The following GOLGA7B variants were observed in gnomAD, a reference collection of about 807,000 sequenced individuals.
GOLGA7B encodes golgin A7 family member B.
A neutral mutation model predicts 21.5 loss-of-function variants in GOLGA7B; 17 were observed. The observed-to-expected ratio is 0.79, with a 90% CI of 0.54 to 1.19. The LOEUF (loss-of-function observed/expected upper bound fraction) is 1.19, where lower values mean the gene tolerates loss of function less well. GOLGA7B is among the 50% of genes most tolerant of loss of function. GOLGA7B has a pLI of 0.00. For synonymous variants in GOLGA7B, 87 were observed against 84.0 expected, an observed-to-expected ratio of 1.04 and a Z score of -0.19; for missense variants, 169 against 224.4, an observed-to-expected ratio of 0.75 and a Z score of 1.58.
rs547496212 is a variant in GOLGA7B, at chr10:97,855,033, C to T, written c.13-4425C>T. Among the ~76,000 whole-genome samples the T allele has an allele frequency of 5.7e-4, 87 of 152,296 alleles. 1 individual carries two copies. The highest frequency in any genetic ancestry group is 2.1e-3 in the African/African-American group (86 of 41,554). Reference sequence around the variant, plus strand: ...TCGTCACTTCCTCTCACATTCTACTCAGTCATAGGGACACACCTAACTGCA... The same window carrying T: ...TCGTCACTTCCTCTCACATTCTACTTAGTCATAGGGACACACCTAACTGCA... On this transcript the variant is annotated intron_variant, in intron 1 of 4. Coordinates refer to ENST00000370602, the MANE Select transcript of GOLGA7B (RefSeq NM_001010917.3).
intron 1 of GOLGA7B, among the ~76,000 whole-genome samples, chr10:97,857,211 C>T (rs1472685591): frequency 8.5e-5 from 13 of 152,086 alleles, no homozygotes; most frequent in Non-Finnish European, 1.2e-4. Flanking sequence ...AGTTTCATGT[C>T]TTAAATTTCA....
In GOLGA7B at chr10:97,865,820, G is replaced by T; in HGVS notation, c.*120G>T. Reference sequence around the variant, plus strand: ...TTCTTTGGGCTCACCCTGCTGCCCGGGGTGGGAGGGAGGGTGACGGGCCTC... The same window carrying T: ...TTCTTTGGGCTCACCCTGCTGCCCGTGGTGGGAGGGAGGGTGACGGGCCTC... On this transcript the variant is annotated 3_prime_UTR_variant, in exon 5 of 5. Coordinates refer to ENST00000370602, the MANE Select transcript of GOLGA7B (RefSeq NM_001010917.3). 1 of 1,273,350 alleles carries T rather than the reference G, an allele frequency of 7.9e-7. No individual in the cohort carries two copies. Among genetic ancestry groups the T allele is most frequent in the Non-Finnish European group, 1.0e-6 (1 of 955,350 alleles). 78.9% of individuals were successfully genotyped at this position (1,273,350 alleles called of 1,614,324 possible). A position where few individuals can be genotyped will look rare whatever the true frequency, so the allele number is the denominator to read the frequency against.
chr10:97,855,160 A>C (rs2049927519), intron 1 of GOLGA7B, among the ~76,000 whole-genome samples: 1 of 152,366 alleles, frequency 6.6e-6, no homozygotes, highest in South Asian at 2.1e-4. Flanking sequence ...TCAGGACAGC[A>C]CACAAATATG....
intron 1 of GOLGA7B, among the ~76,000 whole-genome samples, chr10:97,854,323 G>A (rs1435741570): frequency 6.6e-6 from 1 of 152,156 alleles, no homozygotes; most frequent in Non-Finnish European, 1.5e-5. Flanking sequence ...CTTTCCCAGG[G>A]CCATGTGGCC....
intron 1 of GOLGA7B, among the ~76,000 whole-genome samples, chr10:97,856,758 T>C (rs1170991934): frequency 6.6e-6 from 1 of 152,218 alleles, no homozygotes; most frequent in Non-Finnish European, 1.5e-5. Context: ...GTTGTTTTTT[T>C]AATAATAGCT....
intron 1 of GOLGA7B, among the ~76,000 whole-genome samples, chr10:97,851,882 C>T (rs2049907785): frequency 6.6e-6 from 1 of 152,232 alleles, no homozygotes; most frequent in Non-Finnish European, 1.5e-5. Context: ...ATGTGTGACT[C>T]TCCCCTGGGA....
At chr10:97,856,169 T>C (rs1294330685) in intron 1 of GOLGA7B, among the ~76,000 whole-genome samples, 1 of 152,224 alleles carries the variant, frequency 6.6e-6, no homozygotes, top group Non-Finnish European at 1.5e-5. Flanking sequence ...GCTTCTAGTG[T>C]ACCCATCACC....
intron 1 of GOLGA7B, among the ~76,000 whole-genome samples, chr10:97,854,740 A>T (rs2049924573): frequency 6.6e-6 from 1 of 152,252 alleles, no homozygotes; most frequent in South Asian, 2.1e-4. Context: ...GGAATTTATT[A>T]TGTAAGGTAG....
chr10:97,861,061 G>A (rs1222623238), intron 2 of GOLGA7B, among the ~76,000 whole-genome samples: 1 of 152,190 alleles, frequency 6.6e-6, no homozygotes, highest in African/African-American at 2.4e-5. Flanking sequence ...CAATACCTGG[G>A]AGCTTGATAG....
At position 97,850,040 on chromosome 10, in the gene GOLGA7B, G is replaced by C. The variant is rs1191713885; in HGVS notation, c.-264G>C. Among the ~76,000 whole-genome samples the C allele has an allele frequency of 6.7e-6, 1 of 149,456 alleles. No individual in the cohort carries two copies. Among genetic ancestry groups the C allele is most frequent in the Non-Finnish European group, 1.5e-5 (1 of 67,090 alleles). On this transcript the variant is annotated 5_prime_UTR_variant, in exon 1 of 5. Coordinates refer to ENST00000370602, the MANE Select transcript of GOLGA7B (RefSeq NM_001010917.3). ...AGCCGCGGCAGCGGGCGATCGGGCC[G>C]TGAGGAGCCTCGGGCGCGGCCTCGC...
At chr10:97,864,332 A>G in intron 4 of GOLGA7B, 63 bp downstream of exon 4, 2 of 1,428,190 alleles carry the variant, frequency 1.4e-6, no homozygotes, top group Non-Finnish European at 2.0e-6. Flanking sequence ...GATCCTGGTG[A>G]GGCTGCCAGG....
At position 97,865,670 on chromosome 10, in the gene GOLGA7B, C is replaced by T. The variant is rs548530776; in HGVS notation, c.474C>T (p.Ser158=). Residue 158 remains serine (S), a synonymous_variant, in exon 5 of 5, where the codon AGC becomes AGT. Transcript: ENST00000370602. ...SGSSSGSGSS[S]GGGGGAGAR ...GCAGCAGCGGCAGTGGCAGCAGCAGCGGTGGGGGTGGTGGGGCGGGGGCCC... is the reference window on the plus strand; with the variant it reads ...GCAGCAGCGGCAGTGGCAGCAGCAGTGGTGGGGGTGGTGGGGCGGGGGCCC... The T allele has an allele frequency of 1.3e-4, 205 of 1,605,226 alleles. No homozygotes were observed. The highest frequency in any genetic ancestry group is 1.6e-4 in the Non-Finnish European group (185 of 1,175,566).
rs2050030629 is a variant in GOLGA7B, at chr10:97,866,742, ATGCATGTGCATGAACATGTG to A, written c.*1047_*1066del. ...TGTGCATTTATATGAGTGTGAGTGC[ATGCATGTGCATGAACATGTG>A]TGCACAAGCATGTGTGTATGAGTGT... On this transcript the variant is annotated 3_prime_UTR_variant, in exon 5 of 5. Coordinates refer to ENST00000370602, the MANE Select transcript of GOLGA7B (RefSeq NM_001010917.3). 1 of 152,266 alleles carries A rather than the reference ATGCATGTGCATGAACATGTG, an allele frequency of 6.6e-6. No individual in the cohort carries two copies. Among genetic ancestry groups the A allele is most frequent in the South Asian group, 2.1e-4 (1 of 4,832 alleles). The allele number at this position is 152,266 out of a possible 1,614,324, so 9.4% of individuals were successfully genotyped here.
chr10:97,857,204 T>A (rs536656102), intron 1 of GOLGA7B, among the ~76,000 whole-genome samples: 1 of 152,324 alleles, frequency 6.6e-6, no homozygotes, highest in East Asian at 1.9e-4. Flanking sequence ...TTTTTACAGT[T>A]TCATGTCTTA....
chr10:97,858,426 TGGG>T (rs1389327753), intron 1 of GOLGA7B, among the ~76,000 whole-genome samples: 1 of 152,202 alleles, frequency 6.6e-6, no homozygotes. Context: ...ACTCTGCCTT[TGGG>T]GCTTGGTCTC....
rs866555188 is a variant in GOLGA7B, at chr10:97,863,662, A to C, written c.139-268A>C. On this transcript the variant is annotated intron_variant, in intron 2 of 4. Coordinates refer to ENST00000370602, the MANE Select transcript of GOLGA7B (RefSeq NM_001010917.3). ...AGCCATTCTTATTCCCATTTTATAG[A>C]TGAGGAAACTGAAGCCTAGATGGTT... Among the ~76,000 whole-genome samples, 4 of 152,352 alleles carry C rather than the reference A, an allele frequency of 2.6e-5. No individual in the cohort carries two copies. In the Middle Eastern group the frequency reaches 0.01, roughly 389 times the overall value.
At chr10:97,857,432 A>G (rs962679686) in intron 1 of GOLGA7B, among the ~76,000 whole-genome samples, 4 of 151,360 alleles carry the variant, frequency 2.6e-5, no homozygotes, top group African/African-American at 9.7e-5. Context: ...AAAGATCTCT[A>G]TGAGGAGAAC....
Position 97,864,283 on chromosome 10 carries a change from C to T in GOLGA7B, c.393+14C>T. Reference sequence around the variant, plus strand: ...GGGATGAGGGTTGTATCCTTCTGGGCTATTCTGTGTTGAGGGCACAGGACT... The same window carrying T: ...GGGATGAGGGTTGTATCCTTCTGGGTTATTCTGTGTTGAGGGCACAGGACT... On this transcript the variant is annotated intron_variant, in intron 4 of 4. Coordinates refer to ENST00000370602, the MANE Select transcript of GOLGA7B (RefSeq NM_001010917.3). 1 of 1,606,112 alleles carries T rather than the reference C, an allele frequency of 6.2e-7. No homozygotes were observed. The highest frequency in any genetic ancestry group is 8.5e-7 in the Non-Finnish European group (1 of 1,172,744).
chr10:97,864,014 C>G lies in GOLGA7B; in HGVS notation c.223C>G (p.Leu75Val). 6.2e-7 allele frequency: 1 copy of G among 1,614,148 alleles called. No individual in the cohort carries two copies. The highest frequency in any genetic ancestry group is 1.3e-5 in the African/African-American group (1 of 75,072). ...TGAGAAGATTGGGGGCAGCTCCTAC[C>G]TCGAGGGCTGCCTGGCCTGCGCCAC... ...EAEKIGGSSY[L>V]EGCLACATAY... is the part of the protein sequence containing the mutation. Residue 75 changes from leucine to valine, a missense_variant, in exon 3 of 5, where the codon CTC becomes GTC. Transcript: ENST00000370602.
Sources: allele counts gnomAD v4.1 joint callset (sites outside exome capture counted in the v4.1 genomes callset), GRCh38; gene constraint gnomAD v4.1.1; transcripts MANE v1.5; gene names NCBI Gene and HGNC (gene_info 2026-07-23, HGNC 2026-07-21).